Variants in ESRRB observed in about 807,000 individuals in gnomAD.
ESRRB encodes the protein estrogen related receptor beta.
ESRRB carries 16 observed loss-of-function variants against 46.0 expected under a neutral mutation model. That is an observed-to-expected ratio of 0.35 (90% CI 0.24 to 0.53). ESRRB has a LOEUF of 0.53. Among genes scored for constraint, ESRRB ranks in the 20% least tolerant of loss-of-function variants. The pLI, the probability that ESRRB is intolerant of heterozygous loss-of-function variation, is 0.93. For missense variants in ESRRB, 488 were observed against 607.4 expected, an observed-to-expected ratio of 0.80 and a Z score of 2.07; for synonymous variants, 246 against 259.6, an observed-to-expected ratio of 0.95 and a Z score of 0.50.
At chr14:76,444,058 T>A (rs146568700) in intron 2 of ESRRB, among the ~76,000 whole-genome samples, 2 of 151,950 alleles carry the variant, frequency 1.3e-5, no homozygotes, top group East Asian at 3.9e-4. Flanking sequence ...AAGATTTAGG[T>A]TTTGTTGTTG....
Position 76,500,234 on chromosome 14 carries a change from C to T in ESRRB, c.*1776C>T. 1.6e-6 allele frequency: 1 copy of T among 623,936 alleles called. No homozygotes were observed. The highest frequency in any genetic ancestry group is 2.0e-5 in the South Asian group (1 of 50,092). 38.6% of individuals were successfully genotyped at this position (623,936 alleles called of 1,614,324 possible). On this transcript the variant is annotated 3_prime_UTR_variant, in exon 7 of 7. Coordinates refer to ENST00000644823, the MANE Select transcript of ESRRB (RefSeq NM_001379180.1). The stretch of plus-strand genomic sequence containing the variant: ...GCAGAGCAGCTCTCTGATGGTGTCC[C>T]ACACAGAAAATGTTAAGGATTTCAA...
intron 3 of ESRRB, among the ~76,000 whole-genome samples, chr14:76,476,000 TATTGACATTGATACAGTCA>T: frequency 6.6e-6 from 1 of 152,338 alleles, no homozygotes; most frequent in South Asian, 2.1e-4. Flanking sequence ...ACAACCAGGA[TATTGACATTGATACAGTCA>T]ATTGACATTG....
intron 2 of ESRRB, among the ~76,000 whole-genome samples, chr14:76,444,498 A>T (rs1020841017): frequency 6.6e-6 from 1 of 151,876 alleles, no homozygotes; most frequent in African/African-American, 2.4e-5. Context: ...GGGGAGCAGG[A>T]GAGAAAGGGA....
intron 1 of ESRRB, among the ~76,000 whole-genome samples, chr14:76,419,260 C>CAT: frequency 6.6e-6 from 1 of 152,260 alleles, no homozygotes; most frequent in East Asian, 1.9e-4. Flanking sequence ...GGTGATCTTC[C>CAT]TGCCTCGGTC....
intron 1 of ESRRB, among the ~76,000 whole-genome samples, chr14:76,344,295 A>C (rs1368983872): frequency 6.6e-6 from 1 of 152,204 alleles, no homozygotes; most frequent in Admixed American, 6.5e-5. Context: ...TCCACAAGTT[A>C]CGGGGGTACA....
chr14:76,398,348 C>T (rs989832466), intron 1 of ESRRB, among the ~76,000 whole-genome samples: 7 of 152,190 alleles, frequency 4.6e-5, no homozygotes, highest in African/African-American at 1.7e-4. Context: ...CCTCCAAAGT[C>T]CAGTGTGCTG....
At chr14:76,364,446 T>A (rs1884498186) in intron 1 of ESRRB, among the ~76,000 whole-genome samples, 1 of 152,116 alleles carries the variant, frequency 6.6e-6, no homozygotes, top group Admixed American at 6.5e-5. Context: ...CCCAGCACTT[T>A]GGGAGGCCGA....
chr14:76,494,269 C>G (rs1890336634), intron 6 of ESRRB, among the ~76,000 whole-genome samples: 1 of 150,516 alleles, frequency 6.6e-6, no homozygotes, highest in Non-Finnish European at 1.5e-5. Context: ...AATCCTAATG[C>G]TGTTTTTTTA....
At chr14:76,429,834 C>G (rs1185332124) in intron 1 of ESRRB, among the ~76,000 whole-genome samples, 2 of 151,564 alleles carry the variant, frequency 1.3e-5, no homozygotes, top group Admixed American at 6.6e-5. Context: ...GATGAAAAAT[C>G]TGAGTTTAAG....
At chr14:76,490,029 C>T (rs72731684) in intron 5 of ESRRB, among the ~76,000 whole-genome samples, 1,582 of 152,356 alleles carry the variant, frequency 0.01, 8 homozygotes, top group South Asian at 0.016. Flanking sequence ...CCACAGCACC[C>T]CACATCAGAA....
chr14:76,485,657 G>GAGAGAGAGAGAA (rs1555344281), intron 5 of ESRRB, among the ~76,000 whole-genome samples: 2 of 146,678 alleles, frequency 1.4e-5, no homozygotes, highest in East Asian at 3.9e-4. Context: ...GAGAGAGAGA[G>GAGAGAGAGAGAA]AGAAAGAAAG....
chr14:76,318,919 T>C (rs1347398711), intron 1 of ESRRB, among the ~76,000 whole-genome samples: 1 of 152,220 alleles, frequency 6.6e-6, no homozygotes, highest in African/African-American at 2.4e-5. Flanking sequence ...TGCACATGTG[T>C]GCACAAGCAT....
Position 76,482,748 on chromosome 14 carries a change from A to G in ESRRB, c.839A>G (p.Lys280Arg). 6.2e-7 allele frequency: 1 copy of G among 1,614,084 alleles called. No individual in the cohort carries two copies. Among genetic ancestry groups the G allele is most frequent in the South Asian group, 1.1e-5 (1 of 91,066 alleles). ...RELVVIIGWA[K>R]HIPGFSSLSL... ...CTTGTGGTCATCATTGGCTGGGCCA[A>G]GCACATCCCAGGTGAGCATGTGGGA... Residue 280 changes from lysine to arginine, a missense_variant, in exon 5 of 7, where the codon AAG becomes AGG. Transcript: ENST00000644823. This position sits in a 1 kb window ranked among gnomAD's most constrained non-coding sequence, Gnocchi z 4.3.
At chr14:76,382,303 G>T (rs1167949945) in intron 1 of ESRRB, among the ~76,000 whole-genome samples, 1 of 152,204 alleles carries the variant, frequency 6.6e-6, no homozygotes, top group African/African-American at 2.4e-5. Context: ...TCCAGCAGGG[G>T]CTGCCGTGCC....
At chr14:76,469,936 T>TTG (rs1566603818) in intron 3 of ESRRB, among the ~76,000 whole-genome samples, 2 of 134,082 alleles carry the variant, frequency 1.5e-5, no homozygotes, top group African/African-American at 5.8e-5. Context: ...GTTGTTTTTT[T>TTG]TTTTTTTCTT....
In ESRRB at chr14:76,474,925, C is replaced by CA. The variant is rs201793971; in HGVS notation, c.578-7080dup. Among the ~76,000 whole-genome samples the CA allele has an allele frequency of 7.0e-3, 982 of 140,332 alleles. 8 individuals carry two copies. The highest frequency in any genetic ancestry group is 0.022 in the African/African-American group (848 of 38,270). The allele number at this position is 140,332 out of a possible 152,430, so 92.1% of individuals were successfully genotyped here. A position where few individuals can be genotyped will look rare whatever the true frequency, so the allele number is the denominator to read the frequency against. On this transcript the variant is annotated intron_variant, in intron 3 of 6. Transcript: ENST00000644823. ...CAACATAGTGAGATCCCCCATCTACCAAAAAAAAAAAGAAAGGAGGGGGCC... is the reference window on the plus strand; with the variant it reads ...CAACATAGTGAGATCCCCCATCTACCAAAAAAAAAAAAGAAAGGAGGGGGCC...
At chr14:76,324,498 C>T (rs777804016) in intron 1 of ESRRB, among the ~76,000 whole-genome samples, 3 of 152,282 alleles carry the variant, frequency 2.0e-5, no homozygotes, top group Non-Finnish European at 4.4e-5. Context: ...GTGTTGTCCT[C>T]ATCCCCTCCC....
chr14:76,405,277 G>A (rs754885660), intron 1 of ESRRB, among the ~76,000 whole-genome samples: 7 of 151,788 alleles, frequency 4.6e-5, no homozygotes, highest in Non-Finnish European at 8.8e-5. Context: ...CACTACACCC[G>A]GCTAATTTTT....
chr14:76,461,491 T>C (rs536132874), intron 2 of ESRRB, among the ~76,000 whole-genome samples: 1 of 67,552 alleles, frequency 1.5e-5, no homozygotes, highest in East Asian at 2.7e-4. Flanking sequence ...TTGTTTTGTT[T>C]TGTTTTGTTT....
Sources: allele counts gnomAD v4.1 joint callset (sites outside exome capture counted in the v4.1 genomes callset), GRCh38; gene constraint gnomAD v4.1.1; non-coding constraint Gnocchi (gnomAD v3.1); transcripts MANE v1.5; gene names NCBI Gene and HGNC (gene_info 2026-07-23, HGNC 2026-07-21).